Variants in WDFY3 observed in about 807,000 individuals in gnomAD.
WDFY3 encodes the protein WD repeat and FYVE domain-containing protein 3.
WDFY3 carries 66 observed loss-of-function variants against 409.6 expected under a neutral mutation model. That is an observed-to-expected ratio of 0.16 (90% CI 0.13 to 0.20). The LOEUF is 0.20. Ranked by LOEUF, WDFY3 falls within the 10% of genes least tolerant of loss-of-function variation. The pLI, the probability that WDFY3 is intolerant of heterozygous loss-of-function variation, is 1.00. For missense variants in WDFY3, 3,031 were observed against 4,298.1 expected (o/e 0.71, Z 8.24); for synonymous variants, 1,521 against 1,537.1 (o/e 0.99, Z 0.25).
chr4:84,728,714 T>A (rs1736070686), intron 44 of WDFY3, among the ~76,000 whole-genome samples: 1 of 152,158 alleles, frequency 6.6e-6, no homozygotes, highest in South Asian at 2.1e-4. Flanking sequence ...TGATACAGTG[T>A]TGATTTAATA....
chr4:84,694,345 C>T (rs911952717), intron 58 of WDFY3, among the ~76,000 whole-genome samples: 1 of 152,166 alleles, frequency 6.6e-6, no homozygotes, highest in Non-Finnish European at 1.5e-5. Flanking sequence ...ACCTACATTT[C>T]TGAGGATGGC....
rs1437825596 is a variant in WDFY3, at chr4:84,683,882, C to T, written c.9726+61G>A. On this transcript the variant is annotated intron_variant, in intron 63 of 67. Coordinates refer to ENST00000295888, the MANE Select transcript of WDFY3 (RefSeq NM_014991.6). ...GGTGTTCTTAACCTGTAATTAGCTA[C>T]AAGTTTCTGGTAAACTAGGATGACA... 5.3e-6 allele frequency: 8 copies of T among 1,511,524 alleles called. No homozygotes were observed. The Admixed American group carries it at 9.4e-5, about 18-fold the overall frequency. 93.6% of individuals were successfully genotyped at this position (1,511,524 alleles called of 1,614,324 possible).
At chr4:84,791,472 T>G (rs868467406) in intron 21 of WDFY3, among the ~76,000 whole-genome samples, 17 of 152,152 alleles carry the variant, frequency 1.1e-4, no homozygotes, top group African/African-American at 3.4e-4. Context: ...AGCTTGAGAT[T>G]TGCTCTACAA....
rs762331562 is a variant in WDFY3 at position 84,782,960 on chromosome 4, C to T, written c.4174+3G>A. ...TTGAAACAACAAAGATAAGTCCACT[C>T]ACCCAAGTATCCAATCAGAGCGGCC... On this transcript the variant is annotated splice_donor_region_variant and intron_variant, in intron 25 of 67. Transcript: ENST00000295888. 27 of 1,610,672 alleles carry T rather than the reference C, an allele frequency of 1.7e-5. No individual in the cohort carries two copies. The African/African-American group carries it at 1.9e-4, about 11-fold the overall frequency.
At chr4:84,707,191 A>G (rs1183980531) in intron 53 of WDFY3, among the ~76,000 whole-genome samples, 1 of 151,878 alleles carries the variant, frequency 6.6e-6, no homozygotes, top group Non-Finnish European at 1.5e-5. Flanking sequence ...CGGCCTCCCA[A>G]AGTTCTGGGG....
chr4:84,736,197 A>C lies in WDFY3; in HGVS notation c.6888T>G (p.Gly2296=), dbSNP rs765694580. 3 of 1,612,350 alleles carry C rather than the reference A, an allele frequency of 1.9e-6. No individual in the cohort carries two copies. The highest frequency in any genetic ancestry group is 1.7e-6 in the Non-Finnish European group (2 of 1,179,176). ...GGGTGGAAAGACTGTGTTTATTAAGACCACTTTCTTTTCGATTCCTTCTTG... is the reference window on the plus strand; with the variant it reads ...GGGTGGAAAGACTGTGTTTATTAAGCCCACTTTCTTTTCGATTCCTTCTTG... The part of the protein sequence containing the change: ...TGSRRNRKES[G]LNKHSLSTQE... Residue 2296 remains glycine, a synonymous_variant, in exon 42 of 68, where the codon GGT becomes GGG. Coordinates refer to ENST00000295888, the MANE Select transcript of WDFY3 (RefSeq NM_014991.6).
At chr4:84,927,166 C>A (rs1224906427) in intron 2 of WDFY3, among the ~76,000 whole-genome samples, 1 of 152,118 alleles carries the variant, frequency 6.6e-6, no homozygotes, top group Non-Finnish European at 1.5e-5. Context: ...TAAAAATAAA[C>A]CACTTGTAAA....
chr4:84,910,541 A>G (rs1048325544), intron 2 of WDFY3, among the ~76,000 whole-genome samples: 4 of 152,270 alleles, frequency 2.6e-5, no homozygotes, highest in East Asian at 1.9e-4. Context: ...TTTCAACAAG[A>G]GAGCCAAGAC....
chr4:84,688,111 G>C lies in WDFY3; in HGVS notation c.9518C>G (p.Ser3173Cys), dbSNP rs781747878. 3.1e-6 allele frequency: 5 copies of C among 1,614,088 alleles called. No homozygotes were observed. The highest frequency in any genetic ancestry group is 2.7e-5 in the African/African-American group (2 of 75,054). Reference sequence around the variant, plus strand: ...TGTTAATTCATTGATACAAAGAGCAGAAACTGGAGCTCGATGCCCTCGAAG... The same window carrying C: ...TGTTAATTCATTGATACAAAGAGCACAAACTGGAGCTCGATGCCCTCGAAG... ...TQLRGHRAPV[S>C]ALCINELTGD... is the part of the protein sequence containing the mutation. The change falls in exon 62 of 68, where the codon TCT (serine) becomes TGT (cysteine). Residue 3173 changes from serine (S) to cysteine (C), a missense_variant. Physicochemically the swap from Ser to Cys is moderately radical, Grantham distance 112 (BLOSUM62 -1). Coordinates refer to ENST00000295888, the MANE Select transcript of WDFY3 (RefSeq NM_014991.6).
intron 59 of WDFY3, among the ~76,000 whole-genome samples, chr4:84,692,103 T>C (rs1270553705): frequency 6.6e-6 from 1 of 152,220 alleles, no homozygotes; most frequent in Non-Finnish European, 1.5e-5. Context: ...CAGAATGTCA[T>C]AGGGACACAG....
chr4:84,783,862 TACACACAC>T (rs137878462), intron 24 of WDFY3, among the ~76,000 whole-genome samples: 5 of 140,856 alleles, frequency 3.5e-5, no homozygotes, highest in African/African-American at 5.2e-5. Flanking sequence ...GTGTCATACA[TACACACAC>T]ACACACACAC....
chr4:84,682,819 T>C (rs1727611315), intron 63 of WDFY3: 2 of 219,434 alleles, frequency 9.1e-6, no homozygotes, highest in Non-Finnish European at 1.8e-5. Context: ...CTGTCTCTAC[T>C]AGAAGTACAA....
chr4:84,892,338 G>C (rs1428144666), intron 3 of WDFY3, among the ~76,000 whole-genome samples: 1 of 151,494 alleles, frequency 6.6e-6, no homozygotes, highest in Admixed American at 6.6e-5. Context: ...GCATGTGTGT[G>C]CGTGCATGTG....
intron 44 of WDFY3, among the ~76,000 whole-genome samples, chr4:84,729,587 T>C (rs1736241330): frequency 6.6e-6 from 1 of 151,882 alleles, no homozygotes; most frequent in Non-Finnish European, 1.5e-5. Flanking sequence ...AAACATCCAA[T>C]TTAAAATCAA....
At chr4:84,854,314 T>C (rs559275426) in intron 4 of WDFY3, among the ~76,000 whole-genome samples, 1 of 151,868 alleles carries the variant, frequency 6.6e-6, no homozygotes, top group African/African-American at 2.4e-5. Flanking sequence ...AGAGGAAAAA[T>C]GGTACAAGAT....
In WDFY3 at chr4:84,871,900, C is replaced by G. The variant is rs143774799; in HGVS notation, c.-31-11278G>C. 4.3e-3 allele frequency among the ~76,000 whole-genome samples: 653 copies of G among 152,256 alleles called. 4 individuals are homozygous for G. The highest frequency in any genetic ancestry group is 0.015 in the African/African-American group (611 of 41,556). ...CTGCTCACCTCAGCCTCCCAAAGTG[C>G]GAGGATTACAGGCATGAGCCATCAT... is the stretch of plus-strand genomic sequence containing the variant. On this transcript the variant is annotated intron_variant, in intron 3 of 67. Coordinates refer to ENST00000295888, the MANE Select transcript of WDFY3 (RefSeq NM_014991.6).
chr4:84,932,361 T>C lies in WDFY3; in HGVS notation c.-223A>G, dbSNP rs1770870130. 1 of 152,172 alleles carries C rather than the reference T, an allele frequency of 6.6e-6. No individual in the cohort carries two copies. Among genetic ancestry groups the C allele is most frequent in the African/African-American group, 2.4e-5 (1 of 41,460 alleles). The allele number at this position is 152,172 out of a possible 1,614,324, so 9.4% of individuals were successfully genotyped here. ...CTGAAGCAGACGTGGAGAAGTATTA[T>C]ACCTGATGAAGGAAAGGAAAAGAAA... On this transcript the variant is annotated splice_region_variant and 5_prime_UTR_variant, in exon 2 of 68. Coordinates refer to ENST00000295888, the MANE Select transcript of WDFY3 (RefSeq NM_014991.6).
rs1765651258 is a variant in WDFY3 at position 84,896,451 on chromosome 4, G to GA, written c.-32+459dup. ...AGGTTGTTTTCTATTTTTCCAAGTA[G>GA]AAAAAACTATATAAGCATATTTATA... On this transcript the variant is annotated intron_variant, in intron 3 of 67. Transcript: ENST00000295888. 2.0e-5 allele frequency among the ~76,000 whole-genome samples: 3 copies of GA among 151,740 alleles called. 1 individual carries two copies. Among genetic ancestry groups the GA allele is most frequent in the Admixed American group, 2.0e-4 (3 of 15,212 alleles).
chr4:84,881,774 G>C (rs1164518693), intron 3 of WDFY3, among the ~76,000 whole-genome samples: 3 of 151,882 alleles, frequency 2.0e-5, no homozygotes, highest in South Asian at 4.2e-4. Context: ...TGAGGTCCCA[G>C]GTTGAGGTAA....
Sources: allele counts gnomAD v4.1 joint callset (sites outside exome capture counted in the v4.1 genomes callset), GRCh38; gene constraint gnomAD v4.1.1; transcripts MANE v1.5; gene names NCBI Gene and HGNC (gene_info 2026-07-23, HGNC 2026-07-21).